KCND2: variants seen among roughly 807,000 people sequenced by gnomAD.
KCND2 encodes the protein A-type voltage-gated potassium channel KCND2.
Under a neutral mutation model 54.4 loss-of-function variants are expected in KCND2, and 16 were observed. The observed-to-expected ratio is 0.29, with a 90% CI of 0.20 to 0.45. The LOEUF (loss-of-function observed/expected upper bound fraction) is 0.45, where lower values mean the gene tolerates loss of function less well. Ranked by LOEUF, KCND2 falls within the 20% of genes least tolerant of loss-of-function variation. The pLI is 1.00. For missense variants in KCND2, 486 were observed against 824.2 expected, an observed-to-expected ratio of 0.59 and a Z score of 5.02; for synonymous variants, 317 against 310.7, an observed-to-expected ratio of 1.02 and a Z score of -0.21.
rs537214195 is a variant in KCND2 at position 120,391,332 on chromosome 7, T to C, written c.1115+115585T>C. Among the ~76,000 whole-genome samples, 620 of 152,250 alleles carry C rather than the reference T, an allele frequency of 4.1e-3. 5 individuals carry two copies. Among genetic ancestry groups the C allele is most frequent in the African/African-American group, 0.014 (578 of 41,542 alleles). On this transcript the variant is annotated intron_variant, in intron 1 of 5. Coordinates refer to ENST00000331113, the MANE Select transcript of KCND2 (RefSeq NM_012281.3). ...AGTCTATCATTGATGGGAATTTGGG[T>C]TGGTTCCAAGTCTTGGCTGTTGTAA...
At chr7:120,384,918 T>C (rs1409550299) in intron 1 of KCND2, among the ~76,000 whole-genome samples, 1 of 152,040 alleles carries the variant, frequency 6.6e-6, no homozygotes, top group Non-Finnish European at 1.5e-5. Flanking sequence ...AGTTGTATTT[T>C]ATAGTCTTTT....
chr7:120,520,465 G>A (rs1791674913), intron 1 of KCND2, among the ~76,000 whole-genome samples: 1 of 152,150 alleles, frequency 6.6e-6, no homozygotes, highest in Non-Finnish European at 1.5e-5. Context: ...GAATGGGATA[G>A]AGAGATAAAG....
At chr7:120,539,363 A>T (rs983613217) in intron 1 of KCND2, among the ~76,000 whole-genome samples, 2 of 152,094 alleles carry the variant, frequency 1.3e-5, no homozygotes, top group Non-Finnish European at 2.9e-5. Context: ...CTCTGAAGAG[A>T]GCTTTGGGGC....
At chr7:120,325,469 T>C (rs939891006) in intron 1 of KCND2, among the ~76,000 whole-genome samples, 2 of 150,756 alleles carry the variant, frequency 1.3e-5, no homozygotes, top group Admixed American at 6.7e-5. Flanking sequence ...TTTTGAAATA[T>C]GTCCCATCAA....
chr7:120,381,009 G>T (rs2116025847), intron 1 of KCND2, among the ~76,000 whole-genome samples: 1 of 152,182 alleles, frequency 6.6e-6, no homozygotes, highest in South Asian at 2.1e-4. Flanking sequence ...GGGGTTGGTG[G>T]CTCACACCTG....
intron 1 of KCND2, among the ~76,000 whole-genome samples, chr7:120,585,477 G>A (rs1050607196): frequency 2.0e-5 from 3 of 152,164 alleles, no homozygotes; most frequent in Non-Finnish European, 4.4e-5. Context: ...AGAATGAATA[G>A]AGGAAAGAAT....
intron 1 of KCND2, among the ~76,000 whole-genome samples, chr7:120,329,120 C>CTT (rs542875258): frequency 1.8e-3 from 237 of 132,484 alleles, no homozygotes; most frequent in Middle Eastern, 0.012. Flanking sequence ...CTAGCTTAGT[C>CTT]TTTTTTTTTT....
intron 1 of KCND2, among the ~76,000 whole-genome samples, chr7:120,466,694 A>G (rs1487372783): frequency 6.6e-6 from 1 of 152,150 alleles, no homozygotes; most frequent in African/African-American, 2.4e-5. Context: ...TTCATTTCCT[A>G]TTGCTGCTAT....
intron 2 of KCND2, among the ~76,000 whole-genome samples, chr7:120,739,832 C>T (rs573494736): frequency 1.1e-4 from 17 of 151,536 alleles, no homozygotes; most frequent in African/African-American, 3.1e-4. Flanking sequence ...CACACACACA[C>T]GCACTCCCTT....
intron 1 of KCND2, among the ~76,000 whole-genome samples, chr7:120,579,626 AAAT>A (rs1286144618): frequency 2.0e-5 from 3 of 148,108 alleles, no homozygotes; most frequent in Non-Finnish European, 1.5e-5. Flanking sequence ...ATAAATAAAT[AAAT>A]AAATAAATAA....
chr7:120,435,916 C>T (rs1801860073), intron 1 of KCND2, among the ~76,000 whole-genome samples: 1 of 152,088 alleles, frequency 6.6e-6, no homozygotes, highest in Non-Finnish European at 1.5e-5. Flanking sequence ...AGAATTAGAT[C>T]CCAGAATTTA....
At chr7:120,356,168 T>G (rs1410473488) in intron 1 of KCND2, among the ~76,000 whole-genome samples, 1 of 152,120 alleles carries the variant, frequency 6.6e-6, no homozygotes, top group Non-Finnish European at 1.5e-5. Flanking sequence ...GGGCACCTAA[T>G]TTTTTATGCC....
intron 1 of KCND2, among the ~76,000 whole-genome samples, chr7:120,367,480 C>T (rs963394279): frequency 6.6e-6 from 1 of 151,618 alleles, no homozygotes. Context: ...TATCTCATCA[C>T]TAGAACCTGA....
At chr7:120,345,510 C>A (rs184321018) in intron 1 of KCND2, among the ~76,000 whole-genome samples, 1 of 152,034 alleles carries the variant, frequency 6.6e-6, no homozygotes, top group African/African-American at 2.4e-5. Context: ...CTTACAAAAC[C>A]GAAACTCTGT....
intron 1 of KCND2, among the ~76,000 whole-genome samples, chr7:120,280,767 C>T (rs910732761): frequency 6.6e-6 from 1 of 151,414 alleles, no homozygotes; most frequent in Non-Finnish European, 1.5e-5. Context: ...CACTTTTATG[C>T]TCATTTTCTT....
intron 1 of KCND2, among the ~76,000 whole-genome samples, chr7:120,547,386 G>T (rs1009234071): frequency 6.6e-6 from 1 of 151,766 alleles, no homozygotes; most frequent in Admixed American, 6.6e-5. Flanking sequence ...TGTAAAAGTC[G>T]GTTTTTGTAG....
At chr7:120,509,251 G>T (rs912903275) in intron 1 of KCND2, among the ~76,000 whole-genome samples, 26 of 151,840 alleles carry the variant, frequency 1.7e-4, no homozygotes, top group Non-Finnish European at 1.5e-5. Context: ...GGTAAAAAAC[G>T]TAAACATTTG....
chr7:120,385,795 C>T (rs569079254), intron 1 of KCND2, among the ~76,000 whole-genome samples: 20 of 152,118 alleles, frequency 1.3e-4, no homozygotes, highest in East Asian at 5.8e-4. Flanking sequence ...TGCCATATAC[C>T]GGTATTTTTG....
At chr7:120,449,051 CA>C (rs1478129212) in intron 1 of KCND2, among the ~76,000 whole-genome samples, 2 of 152,112 alleles carry the variant, frequency 1.3e-5, no homozygotes, top group East Asian at 3.9e-4. Context: ...TTTTCTCAGC[CA>C]GGCGCGGTGG....
Sources: allele counts gnomAD v4.1 joint callset (sites outside exome capture counted in the v4.1 genomes callset), GRCh38; gene constraint gnomAD v4.1.1; transcripts MANE v1.5; gene names NCBI Gene and HGNC (gene_info 2026-07-23, HGNC 2026-07-21).